Variants in ARPC1A observed in about 807,000 individuals in gnomAD.
ARPC1A encodes actin-related protein 2/3 complex subunit 1A.
In ARPC1A, 8 loss-of-function variants were observed where a neutral mutation model predicts 46.9. The ratio of observed to expected loss-of-function variants is 0.17; its 90% CI spans 0.10 to 0.31. ARPC1A has a LOEUF of 0.31. ARPC1A is among the 10% of genes least tolerant of loss of function. The pLI, the probability that ARPC1A is intolerant of heterozygous loss-of-function variation, is 1.00. For synonymous variants in ARPC1A, 152 were observed against 169.0 expected (o/e 0.90, Z 0.78); for missense variants, 286 against 483.6 (o/e 0.59, Z 3.83).
chr7:99,358,282 T>C, intron 6 of ARPC1A, 58 bp from the exon 7 acceptor site: 1 of 1,534,092 alleles, frequency 6.5e-7, no homozygotes, highest in Non-Finnish European at 9.0e-7. Flanking sequence ...ATCATCTGTG[T>C]CTGTAAAGAA....
chr7:99,335,618 T>G (rs187973214), intron 2 of ARPC1A: 8 of 294,904 alleles, frequency 2.7e-5, no homozygotes, highest in Non-Finnish European at 4.7e-5. Flanking sequence ...CAGCTGAGAT[T>G]TTGACAGAGA....
chr7:99,352,325 C>T (rs532199959), intron 5 of ARPC1A, among the ~76,000 whole-genome samples: 4 of 152,114 alleles, frequency 2.6e-5, no homozygotes, highest in African/African-American at 7.2e-5. Context: ...AACCTGGCAC[C>T]CACAGCCTGA....
chr7:99,332,349 C>A (rs1793156923), intron 1 of ARPC1A, among the ~76,000 whole-genome samples: 2 of 152,178 alleles, frequency 1.3e-5, no homozygotes, highest in African/African-American at 4.8e-5. Context: ...GGACTGCCAT[C>A]AGGAGGCCCA....
At chr7:99,349,033 T>A in intron 5 of ARPC1A, 74 bp downstream of exon 5, 1 of 1,432,814 alleles carries the variant, frequency 7.0e-7, no homozygotes, top group East Asian at 2.3e-5. Flanking sequence ...TAGGTTCTCT[T>A]TCTTTGTTTT....
At chr7:99,349,089 C>G in intron 5 of ARPC1A, 130 bp downstream of exon 5, 2 of 904,396 alleles carry the variant, frequency 2.2e-6, no homozygotes, top group South Asian at 3.3e-5. Context: ...GTCTCACTCT[C>G]ACCCAGGCTG....
Position 99,333,382 on chromosome 7 carries a change from C to T in ARPC1A, c.29C>T (p.Pro10Leu). 1 of 1,613,758 alleles carries T rather than the reference C, an allele frequency of 6.2e-7. No homozygotes were observed. Among genetic ancestry groups the T allele is most frequent in the Non-Finnish European group, 8.5e-7 (1 of 1,179,846 alleles). The change falls in exon 2 of 10, where the codon CCA (proline) becomes CTA (leucine). Residue 10 changes from proline (P) to leucine (L), a missense_variant. Physicochemically the swap from Pro to Leu is moderately conservative, Grantham distance 98. Transcript: ENST00000262942. The part of the protein sequence containing the change: MSLHQFLLE[P>L]ITCHAWNRDR... Reference sequence around the variant, plus strand: ...TCACTGCATCAGTTTTTACTAGAGCCAATCACCTGTCATGCCTGGAACAGG... The same window carrying T: ...TCACTGCATCAGTTTTTACTAGAGCTAATCACCTGTCATGCCTGGAACAGG...
At chr7:99,359,481 ACT>A (rs1793701254) in intron 7 of ARPC1A, 62 bp from the exon 8 acceptor site, 2 of 1,541,792 alleles carry the variant, frequency 1.3e-6, no homozygotes, top group Admixed American at 1.7e-5. Context: ...CGTGGTGAAC[ACT>A]CTGCCAAGGA....
At position 99,359,617 on chromosome 7, in the gene ARPC1A, A is replaced by G. The variant is rs755659135; in HGVS notation, c.862A>G (p.Ile288Val). 6.2e-7 allele frequency: 1 copy of G among 1,614,132 alleles called. No homozygotes were observed. The highest frequency in any genetic ancestry group is 8.5e-7 in the Non-Finnish European group (1 of 1,180,030). Reference sequence around the variant, plus strand: ...CCTGACCTTCGTCTCCAAGTTAGATATTCCAAAACAGAGCATCCAACGCAA... The same window carrying G: ...CCTGACCTTCGTCTCCAAGTTAGATGTTCCAAAACAGAGCATCCAACGCAA... Reference protein sequence around the residue: ...GCLTFVSKLDIPKQSIQRNMS... With the variant: ...GCLTFVSKLDVPKQSIQRNMS... Residue 288 changes from isoleucine (I) to valine (V), a missense_variant, in exon 8 of 10, where the codon ATT (isoleucine) becomes GTT (valine). By Grantham distance (29) the Ile-to-Val change is conservative. Coordinates refer to ENST00000262942, the MANE Select transcript of ARPC1A (RefSeq NM_006409.4).
In ARPC1A at chr7:99,338,244, T is replaced by C. The variant is rs1198716831; in HGVS notation, c.128T>C (p.Val43Ala). The change falls in exon 3 of 10, where the codon GTG (valine) becomes GCG (alanine). Residue 43 changes from valine to alanine, a missense_variant. Val to Ala is a moderately conservative substitution (Grantham distance 64). This residue lies in a region of ARPC1A where 55 missense variants were observed against 59.4 expected (regional missense o/e 0.93). Transcript: ENST00000262942. ...HIYKKNGSQW[V>A]KAHELKEHNG... ...TATAAGAAGAACGGGAGCCAGTGGG[T>C]GAAAGCTCATGAACTCAAGGAGCAC... The C allele has an allele frequency of 3.1e-6, 5 of 1,612,846 alleles. No homozygotes were observed. The highest frequency in any genetic ancestry group is 1.7e-5 in the Admixed American group (1 of 59,860).
At chr7:99,361,490 GCA>G (rs1793739697) in intron 8 of ARPC1A, among the ~76,000 whole-genome samples, 1 of 150,506 alleles carries the variant, frequency 6.6e-6, no homozygotes, top group South Asian at 2.1e-4. Context: ...GAACCTGAAG[GCA>G]TAGCAAAACT....
chr7:99,365,675 GA>G (rs1793826915), intron 9 of ARPC1A, among the ~76,000 whole-genome samples: 1 of 152,020 alleles, frequency 6.6e-6, no homozygotes, highest in Non-Finnish European at 1.5e-5. Flanking sequence ...TGGCAGTGGG[GA>G]AAAGGCACAC....
intron 7 of ARPC1A, among the ~76,000 whole-genome samples, chr7:99,358,950 G>A (rs542381867): frequency 2.0e-5 from 3 of 152,078 alleles, no homozygotes; most frequent in African/African-American, 7.2e-5. Flanking sequence ...TCCTGCCTCA[G>A]CGTCCTGAGT....
chr7:99,333,417 C>A lies in ARPC1A; in HGVS notation c.64C>A (p.Gln22Lys). 6.2e-7 allele frequency: 1 copy of A among 1,611,652 alleles called. No individual in the cohort carries two copies. Among genetic ancestry groups the A allele is most frequent in the South Asian group, 1.1e-5 (1 of 90,482 alleles). The change falls in exon 2 of 10, where the codon CAG becomes AAG. Residue 22 changes from glutamine to lysine, a missense_variant and splice_region_variant. Gln to Lys is a moderately conservative substitution (Grantham distance 53). Around this residue, in one of 5 missense-constraint regions of ARPC1A, gnomAD observed 55 missense variants for 59.4 expected, o/e 0.93. Transcript: ENST00000262942. Reference sequence around the variant, plus strand: ...TCATGCCTGGAACAGGGATCGTACTCGTAAGTATTTTATTAACTTTGCTTT... The same window carrying A: ...TCATGCCTGGAACAGGGATCGTACTAGTAAGTATTTTATTAACTTTGCTTT... ...TCHAWNRDRT[Q>K]IALSPNNHEV...
rs747559622 is a variant in ARPC1A, at chr7:99,359,611, T to C, written c.856T>C (p.Leu286=). The C allele has an allele frequency of 6.2e-7, 1 of 1,614,076 alleles. No homozygotes were observed. Among genetic ancestry groups the C allele is most frequent in the Non-Finnish European group, 8.5e-7 (1 of 1,180,020 alleles). ...DRGCLTFVSK[L]DIPKQSIQRN... ...CGGCTGCCTGACCTTCGTCTCCAAGTTAGATATTCCAAAACAGAGCATCCA... is the reference window on the plus strand; with the variant it reads ...CGGCTGCCTGACCTTCGTCTCCAAGCTAGATATTCCAAAACAGAGCATCCA... The change falls in exon 8 of 10, where the codon TTA becomes CTA. Residue 286 remains leucine, a synonymous_variant. Coordinates refer to ENST00000262942, the MANE Select transcript of ARPC1A (RefSeq NM_006409.4).
chr7:99,359,881 C>T, intron 8 of ARPC1A, 143 bp downstream of exon 8: 1 of 961,868 alleles, frequency 1.0e-6, no homozygotes, highest in Non-Finnish European at 1.5e-6. Context: ...AAGTCTGTAT[C>T]TTCCCGACCG....
At chr7:99,333,555 AAGTC>A (rs971176100) in intron 2 of ARPC1A, 138 bp downstream of exon 2, 13 of 737,124 alleles carry the variant, frequency 1.8e-5, no homozygotes, top group Non-Finnish European at 2.8e-5. Context: ...GAAGGGAACT[AAGTC>A]AGTCCTTTGG....
intron 6 of ARPC1A, among the ~76,000 whole-genome samples, chr7:99,356,746 A>T (rs1475030781): frequency 6.6e-6 from 1 of 151,938 alleles, no homozygotes; most frequent in Admixed American, 6.6e-5. Context: ...CAAAAAATAC[A>T]AAAATTAGCC....
At chr7:99,350,490 C>A (rs912610134) in intron 5 of ARPC1A, among the ~76,000 whole-genome samples, 1 of 152,156 alleles carries the variant, frequency 6.6e-6, no homozygotes, top group African/African-American at 2.4e-5. Flanking sequence ...CTTTAAGGAT[C>A]ATACCATGGA....
At chr7:99,362,386 C>T (rs1793760606) in intron 8 of ARPC1A, among the ~76,000 whole-genome samples, 1 of 133,558 alleles carries the variant, frequency 7.5e-6, no homozygotes, top group African/African-American at 2.9e-5. Context: ...GGCTGGAGTG[C>T]AGTGGCACGA....
Sources: gnomAD v4.1 joint callset for allele counts (sites outside exome capture counted in the v4.1 genomes callset) on GRCh38, gnomAD v4.1.1 for gene constraint, gnomAD v4.1.1 regional missense constraint, MANE v1.5 for transcripts, NCBI Gene and HGNC (gene_info 2026-07-23, HGNC 2026-07-21) for gene names.